Variants in MED13 observed in about 807,000 individuals in gnomAD.
The protein encoded by MED13 is mediator complex subunit 13.
Under a neutral mutation model 225.2 loss-of-function variants are expected in MED13, and 23 were observed. The ratio of observed to expected loss-of-function variants is 0.10; its 90% CI spans 0.07 to 0.14. MED13 has a LOEUF of 0.14. MED13 is among the 10% of genes least tolerant of loss of function. MED13 has a pLI of 1.00. For missense variants in MED13, 2,197 were observed against 2,594.5 expected, an observed-to-expected ratio of 0.85 and a Z score of 3.33; for synonymous variants, 942 against 889.2, an observed-to-expected ratio of 1.06 and a Z score of -1.06.
At chr17:61,990,015 G>C (rs762851459) in intron 11 of MED13, among the ~76,000 whole-genome samples, 1 of 152,128 alleles carries the variant, frequency 6.6e-6, no homozygotes, top group Non-Finnish European at 1.5e-5. Flanking sequence ...TGTTCAGATA[G>C]ATTTTTTTCT....
At chr17:62,059,100 C>T (rs2081018172) in intron 2 of MED13, among the ~76,000 whole-genome samples, 1 of 151,862 alleles carries the variant, frequency 6.6e-6, no homozygotes, top group Admixed American at 6.6e-5. Context: ...CCTAAGGAGA[C>T]ATGACAATTA....
chr17:62,028,794 G>A (rs545698621), intron 8 of MED13, among the ~76,000 whole-genome samples: 81 of 151,674 alleles, frequency 5.3e-4, no homozygotes, highest in African/African-American at 1.8e-3. Context: ...GCAGTGAGCC[G>A]AGATCACGCC....
chr17:61,993,086 A>T (rs890186629), intron 10 of MED13, among the ~76,000 whole-genome samples: 2 of 151,944 alleles, frequency 1.3e-5, no homozygotes, highest in Admixed American at 1.3e-4. Context: ...TATCTTATAG[A>T]CAAAAGTAGA....
chr17:62,047,041 T>C (rs2080904139), intron 3 of MED13, among the ~76,000 whole-genome samples: 2 of 151,508 alleles, frequency 1.3e-5, no homozygotes, highest in African/African-American at 4.8e-5. Flanking sequence ...AGCTTTTTTT[T>C]TTTTTTAAAG....
intron 3 of MED13, among the ~76,000 whole-genome samples, chr17:62,047,452 G>T (rs955923447): frequency 6.6e-6 from 1 of 152,072 alleles, no homozygotes; most frequent in African/African-American, 2.4e-5. Flanking sequence ...ACTAACACAA[G>T]AACAGAAAAC....
chr17:62,042,560 C>CAAAAAAAAAA (rs377646442), intron 3 of MED13, among the ~76,000 whole-genome samples: 1 of 60,276 alleles, frequency 1.7e-5, no homozygotes, highest in Non-Finnish European at 3.5e-5. Context: ...GGTTTCATCT[C>CAAAAAAAAAA]AAAAAAAAAA....
Position 61,968,020 on chromosome 17 carries a change from T to C in MED13, c.4191+15A>G, listed in dbSNP as rs769535956. The C allele has an allele frequency of 2.0e-5, 32 of 1,582,508 alleles. No homozygotes were observed. Among genetic ancestry groups the C allele is most frequent in the Non-Finnish European group, 2.7e-5 (31 of 1,152,910 alleles). ...TAAGGTAGTTTTAAAATGTCATCTCTTTTTAAACACCTACCTCATATATTG... is the reference window on the plus strand; with the variant it reads ...TAAGGTAGTTTTAAAATGTCATCTCCTTTTAAACACCTACCTCATATATTG... On this transcript the variant is annotated intron_variant, in intron 18 of 29. Coordinates refer to ENST00000397786, the MANE Select transcript of MED13 (RefSeq NM_005121.3).
At chr17:62,061,977 T>C (rs185919789) in intron 2 of MED13, among the ~76,000 whole-genome samples, 33 of 152,322 alleles carry the variant, frequency 2.2e-4, no homozygotes, top group Non-Finnish European at 3.7e-4. Flanking sequence ...TATCAAAACA[T>C]ACAAATGTAA....
chr17:62,015,941 TATATATATATATA>T (rs1249366464), intron 8 of MED13, among the ~76,000 whole-genome samples: 11 of 10,010 alleles, frequency 1.1e-3, no homozygotes, highest in South Asian at 4.4e-3. Flanking sequence ...TATATATATA[TATATATATATATA>T]TTTTTTTTTT....
intron 8 of MED13, among the ~76,000 whole-genome samples, chr17:62,018,689 G>A (rs1347954702): frequency 6.6e-6 from 1 of 151,246 alleles, no homozygotes; most frequent in East Asian, 1.9e-4. Flanking sequence ...ACTCCTGCCT[G>A]GGCAACAGAG....
intron 8 of MED13, among the ~76,000 whole-genome samples, chr17:62,020,229 T>C: frequency 6.9e-6 from 1 of 144,650 alleles, no homozygotes; most frequent in East Asian, 2.6e-4. Context: ...TTAGCAGCCT[T>C]TCTTTTTTTT....
intron 23 of MED13, among the ~76,000 whole-genome samples, chr17:61,958,477 T>C (rs1343832378): frequency 6.6e-6 from 1 of 152,132 alleles, no homozygotes; most frequent in Non-Finnish European, 1.5e-5. Flanking sequence ...TAGCTGGGAC[T>C]ACAGGCGTGT....
intron 17 of MED13, 151 bp downstream of exon 17, chr17:61,972,576 G>C (rs2080119585): frequency 1.5e-6 from 1 of 682,440 alleles, no homozygotes; most frequent in Non-Finnish European, 2.4e-6. Context: ...TGTTGGAAAT[G>C]GTGGGAAAAA....
At chr17:62,048,152 T>A (rs2080919319) in intron 3 of MED13, among the ~76,000 whole-genome samples, 1 of 148,830 alleles carries the variant, frequency 6.7e-6, no homozygotes, top group South Asian at 2.1e-4. Context: ...ACACCTGTAA[T>A]CCCAGCACTT....
intron 20 of MED13, among the ~76,000 whole-genome samples, chr17:61,963,291 C>T (rs2080023024): frequency 7.1e-6 from 1 of 140,284 alleles, no homozygotes; most frequent in South Asian, 2.5e-4. Flanking sequence ...CAAAAGATGG[C>T]TTAGAGTTTA....
rs2080216306 is a variant in MED13, at chr17:61,982,821, G to A, written c.3182C>T (p.Thr1061Ile). Reference sequence around the variant, plus strand: ...GTGTGCTTCAGGGATGGAAGGGACAGTTGCAGGTTCAACAGAATTAAGGGG... The same window carrying A: ...GTGTGCTTCAGGGATGGAAGGGACAATTGCAGGTTCAACAGAATTAAGGGG... ...CRPLNSVEPATVPSIPEAHSL... is the reference protein window; with the variant it reads ...CRPLNSVEPAIVPSIPEAHSL... Residue 1061 changes from threonine (T) to isoleucine (I), a missense_variant, in exon 16 of 30, where the codon ACT becomes ATT. By Grantham distance (89) the Thr-to-Ile change is moderately conservative. Coordinates refer to ENST00000397786, the MANE Select transcript of MED13 (RefSeq NM_005121.3). 1 of 1,614,112 alleles carries A rather than the reference G, an allele frequency of 6.2e-7. No individual in the cohort carries two copies. The highest frequency in any genetic ancestry group is 8.5e-7 in the Non-Finnish European group (1 of 1,180,050).
In MED13 at chr17:61,965,455, A is replaced by C. The variant is rs767195960; in HGVS notation, c.4395T>G (p.Ala1465=). ...GTAGAGAGCTGTCCAATGGCAGGGA[A>C]GCAAGATAAGGACCTAAAGAATAAA... ...VCRYDLGPYL[A]SLPLDSSLLS... Residue 1465 remains alanine (A), a synonymous_variant, in exon 20 of 30, where the codon GCT becomes GCG. Coordinates refer to ENST00000397786, the MANE Select transcript of MED13 (RefSeq NM_005121.3). 8.1e-6 allele frequency: 13 copies of C among 1,613,146 alleles called. No individual in the cohort carries two copies. In the Admixed American group the frequency reaches 1.3e-4, roughly 17 times the overall value.
chr17:62,014,869 G>C (rs1045775024), intron 8 of MED13, among the ~76,000 whole-genome samples: 5 of 152,174 alleles, frequency 3.3e-5, no homozygotes, highest in Middle Eastern at 3.2e-3. Context: ...ATAGCCAATA[G>C]TAGTTACTAA....
chr17:62,003,760 G>A (rs929957163), intron 9 of MED13: 6 of 151,872 alleles, frequency 4.0e-5, no homozygotes, highest in African/African-American at 1.2e-4. Flanking sequence ...GAAAAAAAGG[G>A]TGACAAGGAA....
Sources: allele counts gnomAD v4.1 joint callset (sites outside exome capture counted in the v4.1 genomes callset), GRCh38; gene constraint gnomAD v4.1.1; transcripts MANE v1.5; gene names NCBI Gene and HGNC (gene_info 2026-07-23, HGNC 2026-07-21).